The following SLIT3 variants were observed in gnomAD, a reference collection of about 807,000 sequenced individuals.
SLIT3 encodes the protein slit guidance ligand 3.
A neutral mutation model predicts 184.0 loss-of-function variants in SLIT3; 68 were observed. The ratio of observed to expected loss-of-function variants is 0.37; its 90% CI spans 0.30 to 0.45. The LOEUF is 0.45. SLIT3 is among the 20% of genes least tolerant of loss of function. SLIT3 has a pLI of 1.00. For synonymous variants in SLIT3, 831 were observed against 828.6 expected, an observed-to-expected ratio of 1.00 and a Z score of -0.05; for missense variants, 1,707 against 2,026.0, an observed-to-expected ratio of 0.84 and a Z score of 3.02.
At chr5:168,864,224 A>G (rs1759219709) in intron 5 of SLIT3, among the ~76,000 whole-genome samples, 2 of 152,154 alleles carry the variant, frequency 1.3e-5, no homozygotes, top group Admixed American at 1.3e-4. Flanking sequence ...GTGAACAAAT[A>G]CAAGCATAAT....
intron 20 of SLIT3, among the ~76,000 whole-genome samples, chr5:168,733,703 G>C (rs1286341089): frequency 6.6e-6 from 1 of 151,692 alleles, no homozygotes; most frequent in Non-Finnish European, 1.5e-5. Flanking sequence ...CTAGATGATG[G>C]GTTGATAGGT....
At chr5:169,220,513 T>C (rs1325650489) in intron 3 of SLIT3, among the ~76,000 whole-genome samples, 2 of 152,152 alleles carry the variant, frequency 1.3e-5, no homozygotes. Flanking sequence ...CTGGCTCTGA[T>C]TGGTATATGA....
At chr5:168,672,090 T>C (rs902896229) in intron 33 of SLIT3, among the ~76,000 whole-genome samples, 3 of 152,190 alleles carry the variant, frequency 2.0e-5, no homozygotes, top group Non-Finnish European at 4.4e-5. Context: ...GTATTTTCGC[T>C]CCCCTTCTAC....
chr5:168,995,977 C>T (rs1470106614), intron 4 of SLIT3, among the ~76,000 whole-genome samples: 1 of 152,226 alleles, frequency 6.6e-6, no homozygotes, highest in African/African-American at 2.4e-5. Flanking sequence ...TGAGTAACCC[C>T]ATCACCCTCC....
chr5:169,085,457 G>A (rs971617888), intron 4 of SLIT3, among the ~76,000 whole-genome samples: 1 of 152,132 alleles, frequency 6.6e-6, no homozygotes, highest in African/African-American at 2.4e-5. Context: ...CAGCAAAGGG[G>A]CGTGGGAGGG....
At chr5:168,826,473 A>T (rs758067172) in intron 6 of SLIT3, among the ~76,000 whole-genome samples, 2 of 152,232 alleles carry the variant, frequency 1.3e-5, no homozygotes, top group African/African-American at 2.4e-5. Flanking sequence ...AGTAGCTGGC[A>T]TTCAATGAAG....
chr5:168,826,307 G>T (rs1265642532), intron 6 of SLIT3, among the ~76,000 whole-genome samples: 1 of 152,214 alleles, frequency 6.6e-6, no homozygotes, highest in South Asian at 2.1e-4. Flanking sequence ...CCAGCCCGGG[G>T]ATGTCAGAGG....
Position 168,664,158 on chromosome 5 carries a change from T to C in SLIT3, c.*2296A>G, listed in dbSNP as rs1221506676. On this transcript the variant is annotated 3_prime_UTR_variant, in exon 36 of 36. Transcript: ENST00000519560. ...AATAATTAAATGAATATATATCTATTTCACAATTAGAGTGGTATCTGATGT... is the reference window on the plus strand; with the variant it reads ...AATAATTAAATGAATATATATCTATCTCACAATTAGAGTGGTATCTGATGT... The C allele has an allele frequency of 1.3e-5, 2 of 152,356 alleles. No homozygotes were observed. Among genetic ancestry groups the C allele is most frequent in the East Asian group, 3.9e-4 (2 of 5,190 alleles). 9.4% of individuals were successfully genotyped at this position (152,356 alleles called of 1,614,324 possible).
intron 3 of SLIT3, among the ~76,000 whole-genome samples, chr5:169,216,917 T>C (rs1764453467): frequency 6.6e-6 from 1 of 152,110 alleles, no homozygotes; most frequent in African/African-American, 2.4e-5. Flanking sequence ...TAATTGCTCA[T>C]TAGCCATCTG....
chr5:168,884,513 A>AAT (rs35565914), intron 4 of SLIT3, among the ~76,000 whole-genome samples: 66,733 of 114,728 alleles, frequency 0.58, 20,515 homozygotes, highest in South Asian at 0.66. Flanking sequence ...GGTAAAAAAA[A>AAT]AACGTTGCAG....
Position 168,918,973 on chromosome 5 carries a change from T to C in SLIT3, c.414-35637A>G, listed in dbSNP as rs140818941. Among the ~76,000 whole-genome samples the C allele has an allele frequency of 5.9e-3, 892 of 152,304 alleles. 5 individuals carry two copies. Among genetic ancestry groups the C allele is most frequent in the Middle Eastern group, 0.017 (5 of 294 alleles). ...CATTCCACTTCTGGAGATTTTATCCTATAGATATACTAGTAGTAATGTGCA... is the reference window on the plus strand; with the variant it reads ...CATTCCACTTCTGGAGATTTTATCCCATAGATATACTAGTAGTAATGTGCA... On this transcript the variant is annotated intron_variant, in intron 4 of 35. Transcript: ENST00000519560.
intron 4 of SLIT3, chr5:169,036,533 A>G (rs542597577): frequency 3.9e-5 from 6 of 152,190 alleles, no homozygotes; most frequent in Non-Finnish European, 7.3e-5. Flanking sequence ...TCCATAAAGA[A>G]CATCTAAACG....
chr5:168,809,491 G>T (rs1350283779), intron 8 of SLIT3, among the ~76,000 whole-genome samples: 1 of 152,162 alleles, frequency 6.6e-6, no homozygotes, highest in Non-Finnish European at 1.5e-5. Flanking sequence ...CTTACAATGA[G>T]GTTGAAAGAT....
chr5:169,085,828 G>A (rs1466951643), intron 4 of SLIT3, among the ~76,000 whole-genome samples: 1 of 151,358 alleles, frequency 6.6e-6, no homozygotes, highest in Non-Finnish European at 1.5e-5. Context: ...TGGATCTCGT[G>A]CAAACCACAG....
chr5:168,930,942 G>C (rs915194573), intron 4 of SLIT3, among the ~76,000 whole-genome samples: 1 of 152,166 alleles, frequency 6.6e-6, no homozygotes, highest in African/African-American at 2.4e-5. Context: ...TATTTCAGAG[G>C]ATAAATACCG....
intron 10 of SLIT3, chr5:168,791,897 C>T (rs1756385242): frequency 2.0e-5 from 3 of 152,198 alleles, no homozygotes; most frequent in Admixed American, 6.5e-5. Flanking sequence ...TCATCTCTAC[C>T]CCACCCTCAC....
intron 1 of SLIT3, among the ~76,000 whole-genome samples, chr5:169,269,718 G>A (rs2113628945): frequency 6.6e-6 from 1 of 152,366 alleles, no homozygotes; most frequent in East Asian, 1.9e-4. Context: ...AATGCCAAGG[G>A]GCAGGAATTA....
chr5:168,760,790 G>C, intron 16 of SLIT3, 72 bp downstream of exon 16: 3 of 1,127,970 alleles, frequency 2.7e-6, no homozygotes, highest in East Asian at 2.3e-5. Context: ...CGGTCCCCTG[G>C]TTCCTCTAGT....
chr5:168,972,694 G>A (rs769563917), intron 4 of SLIT3, among the ~76,000 whole-genome samples: 3 of 152,164 alleles, frequency 2.0e-5, no homozygotes, highest in Admixed American at 1.3e-4. Context: ...ATGCCTGTCA[G>A]ATTCCTTTCC....
Sources: gnomAD v4.1 joint callset for allele counts (sites outside exome capture counted in the v4.1 genomes callset) on GRCh38, gnomAD v4.1.1 for gene constraint, MANE v1.5 for transcripts, NCBI Gene and HGNC (gene_info 2026-07-23, HGNC 2026-07-21) for gene names.